TNR: variants seen among roughly 807,000 people sequenced by gnomAD.
TNR encodes the protein tenascin-R.
A neutral mutation model predicts 150.4 loss-of-function variants in TNR; 45 were observed. The observed-to-expected ratio is 0.30, with a 90% CI of 0.24 to 0.38. TNR has a LOEUF of 0.38. TNR is among the 10% of genes least tolerant of loss of function. The pLI is 1.00. For synonymous variants in TNR, 687 were observed against 678.4 expected (o/e 1.01, Z -0.20); for missense variants, 1,544 against 1,759.1 (o/e 0.88, Z 2.19).
chr1:175,687,416 T>C (rs1666236024), intron 1 of TNR, among the ~76,000 whole-genome samples: 2 of 152,112 alleles, frequency 1.3e-5, no homozygotes, highest in African/African-American at 2.4e-5. Flanking sequence ...TTTTTCCAAA[T>C]GTTCAGTCTG....
rs1664773148 is a variant in TNR at position 175,645,140 on chromosome 1, CAAT to C, written c.-165+98083_-165+98085del. Among the ~76,000 whole-genome samples the C allele has an allele frequency of 1.3e-5, 2 of 151,940 alleles. 1 individual carries two copies. The highest frequency in any genetic ancestry group is 1.3e-4 in the Admixed American group (2 of 15,258). ...AGATACAAATGAAGTAATTTGAAAACAATAATAAAATGACACATTTTTAAATGA... is the reference window on the plus strand; with the variant it reads ...AGATACAAATGAAGTAATTTGAAAACAATAAAATGACACATTTTTAAATGA... On this transcript the variant is annotated intron_variant, in intron 1 of 22. Coordinates refer to ENST00000367674, the MANE Select transcript of TNR (RefSeq NM_003285.3).
chr1:175,694,027 G>A (rs1285420515), intron 1 of TNR, among the ~76,000 whole-genome samples: 1 of 152,158 alleles, frequency 6.6e-6, no homozygotes, highest in Non-Finnish European at 1.5e-5. Flanking sequence ...AGAGTTCTTT[G>A]AGGCTCAATC....
chr1:175,456,415 G>A (rs561316319), intron 2 of TNR, among the ~76,000 whole-genome samples: 10 of 152,114 alleles, frequency 6.6e-5, no homozygotes, highest in African/African-American at 1.2e-4. Flanking sequence ...TTTGTGTCCC[G>A]TCACTACAAT....
intron 9 of TNR, among the ~76,000 whole-genome samples, chr1:175,373,047 G>C (rs926783532): frequency 6.6e-6 from 1 of 152,112 alleles, no homozygotes; most frequent in Admixed American, 6.5e-5. Flanking sequence ...ATTTTTTTCA[G>C]TATGTAGTAT....
At chr1:175,677,390 G>A (rs189357032) in intron 1 of TNR, among the ~76,000 whole-genome samples, 39 of 152,214 alleles carry the variant, frequency 2.6e-4, no homozygotes, top group African/African-American at 8.9e-4. Flanking sequence ...GGTTGGTGGA[G>A]GCAAAGTGAT....
At chr1:175,626,327 A>T (rs1664157433) in intron 1 of TNR, among the ~76,000 whole-genome samples, 1 of 152,216 alleles carries the variant, frequency 6.6e-6, no homozygotes, top group African/African-American at 2.4e-5. Flanking sequence ...TGCAAAGGTC[A>T]TTAAAATCTC....
At chr1:175,337,253 C>G (rs10798386) in intron 19 of TNR, among the ~76,000 whole-genome samples, 104,932 of 152,066 alleles carry the variant, frequency 0.69, 36,539 homozygotes, top group East Asian at 0.8. Context: ...GCCCAACAGA[C>G]CCGCGACTGC....
Position 175,323,342 on chromosome 1 carries a change from G to A in TNR, c.*15C>T. ...AATGACAGAAAATATTGGTTGGCTT[G>A]CAGCCGCCCACTGCTCAGAACTGTA... On this transcript the variant is annotated 3_prime_UTR_variant, in exon 23 of 23. Transcript: ENST00000367674. 1 of 1,610,138 alleles carries A rather than the reference G, an allele frequency of 6.2e-7. No individual in the cohort carries two copies. Among genetic ancestry groups the A allele is most frequent in the Non-Finnish European group, 8.5e-7 (1 of 1,178,808 alleles).
chr1:175,675,826 G>C (rs1055075177), intron 1 of TNR, among the ~76,000 whole-genome samples: 12 of 152,280 alleles, frequency 7.9e-5, no homozygotes, highest in African/African-American at 2.9e-4. Context: ...TCCATGTACA[G>C]GGGTGGGGAG....
chr1:175,705,887 T>C (rs1666832489), intron 1 of TNR, among the ~76,000 whole-genome samples: 1 of 152,214 alleles, frequency 6.6e-6, no homozygotes, highest in African/African-American at 2.4e-5. Flanking sequence ...TTTCCACTTC[T>C]TCAGCCTGTG....
intron 5 of TNR, among the ~76,000 whole-genome samples, chr1:175,396,153 C>A (rs1052517178): frequency 3.3e-5 from 5 of 152,170 alleles, no homozygotes; most frequent in Non-Finnish European, 5.9e-5. Context: ...CGAGAACACA[C>A]CATTTAGCAC....
At chr1:175,721,514 G>C (rs562438801) in intron 1 of TNR, among the ~76,000 whole-genome samples, 37 of 152,236 alleles carry the variant, frequency 2.4e-4, no homozygotes, top group Non-Finnish European at 5.0e-4. Flanking sequence ...CCACCCAGCT[G>C]CCTCCTAACT....
intron 1 of TNR, among the ~76,000 whole-genome samples, chr1:175,733,987 G>A (rs1038962314): frequency 2.6e-5 from 4 of 152,132 alleles, no homozygotes; most frequent in Admixed American, 1.3e-4. Context: ...TATCTTATTT[G>A]GTCAGCCAAC....
intron 1 of TNR, among the ~76,000 whole-genome samples, chr1:175,685,158 TTCTC>T (rs1272074564): frequency 6.6e-6 from 1 of 152,218 alleles, no homozygotes; most frequent in Non-Finnish European, 1.5e-5. Flanking sequence ...CCTCACTTTG[TTCTC>T]TCTGAGTTGC....
chr1:175,740,241 G>T (rs1667888285), intron 1 of TNR, among the ~76,000 whole-genome samples: 2 of 152,196 alleles, frequency 1.3e-5, no homozygotes, highest in South Asian at 4.1e-4. Context: ...AGCAGCATAA[G>T]CTATGGTGAT....
intron 1 of TNR, among the ~76,000 whole-genome samples, chr1:175,680,575 A>G (rs1666003548): frequency 6.6e-6 from 1 of 152,174 alleles, no homozygotes; most frequent in Non-Finnish European, 1.5e-5. Context: ...GGAGAAAAAT[A>G]CAGAGGCAGA....
intron 9 of TNR, among the ~76,000 whole-genome samples, chr1:175,378,739 A>G (rs1208106585): frequency 6.6e-6 from 1 of 152,194 alleles, no homozygotes; most frequent in Non-Finnish European, 1.5e-5. Flanking sequence ...ATCAGGGAAC[A>G]TGGGTGGGAG....
intron 1 of TNR, among the ~76,000 whole-genome samples, chr1:175,610,172 C>A (rs887600042): frequency 6.6e-6 from 1 of 152,180 alleles, no homozygotes; most frequent in African/African-American, 2.4e-5. Context: ...TGAATAAATG[C>A]AAGAAAGCCT....
chr1:175,450,673 A>G (rs1025434018), intron 2 of TNR, among the ~76,000 whole-genome samples: 4 of 152,238 alleles, frequency 2.6e-5, no homozygotes, highest in African/African-American at 4.8e-5. Context: ...AGTGCTCAGC[A>G]CATTTTGTCT....
Sources: gnomAD v4.1 joint callset for allele counts (sites outside exome capture counted in the v4.1 genomes callset) on GRCh38, gnomAD v4.1.1 for gene constraint, MANE v1.5 for transcripts, NCBI Gene and HGNC (gene_info 2026-07-23, HGNC 2026-07-21) for gene names.